FGF1: variants seen among roughly 807,000 people sequenced by gnomAD.
The protein encoded by FGF1 is fibroblast growth factor 1, also known as beta-endothelial cell growth factor.
Under a neutral mutation model 13.4 loss-of-function variants are expected in FGF1, and 9 were observed. That is an observed-to-expected ratio of 0.67 (90% confidence interval 0.40 to 1.17). The LOEUF is 1.17. Ranked by LOEUF, FGF1 falls within the 50% of genes most tolerant of loss-of-function variation. The pLI is 0.01. For missense variants in FGF1, 156 were observed against 192.7 expected, an observed-to-expected ratio of 0.81 and a Z score of 1.13; for synonymous variants, 93 against 79.0, an observed-to-expected ratio of 1.18 and a Z score of -0.94.
chr5:142,628,612 A>G (rs1366581591), intron 1 of FGF1, among the ~76,000 whole-genome samples: 1 of 152,210 alleles, frequency 6.6e-6, no homozygotes, highest in Non-Finnish European at 1.5e-5. Flanking sequence ...CAGGTAGCTC[A>G]AAACATGGTT....
At chr5:142,653,540 CT>C (rs1767635567) in intron 1 of FGF1, among the ~76,000 whole-genome samples, 1 of 152,156 alleles carries the variant, frequency 6.6e-6, no homozygotes, top group South Asian at 2.1e-4. Context: ...CGTCACGTGC[CT>C]TCCTGCCACA....
intron 1 of FGF1, among the ~76,000 whole-genome samples, chr5:142,632,825 T>C (rs1763571967): frequency 6.6e-6 from 1 of 152,054 alleles, no homozygotes; most frequent in South Asian, 2.1e-4. Context: ...TCACTTGTAA[T>C]GGTTGTAATG....
chr5:142,621,117 A>G (rs918311906), intron 1 of FGF1, among the ~76,000 whole-genome samples: 1 of 152,088 alleles, frequency 6.6e-6, no homozygotes, highest in African/African-American at 2.4e-5. Context: ...TGACCATTCT[A>G]ACTCATCACT....
At chr5:142,688,651 A>G (rs1751647501), upstream of FGF1, among the ~76,000 whole-genome samples, 2 of 152,354 alleles carry the variant, frequency 1.3e-5, no homozygotes, top group Non-Finnish European at 2.9e-5. Flanking sequence ...AGAGGCTGCT[A>G]GTACTGCAGA....
At chr5:142,607,002 C>T (rs1043907155) in intron 2 of FGF1, among the ~76,000 whole-genome samples, 4 of 152,202 alleles carry the variant, frequency 2.6e-5, no homozygotes, top group South Asian at 4.1e-4. Flanking sequence ...TCCCCTGATT[C>T]TCCTTCATAC....
At chr5:142,689,738 C>T (rs1449071800), upstream of FGF1, among the ~76,000 whole-genome samples, 22 of 134,674 alleles carry the variant, frequency 1.6e-4, 1 homozygote, top group Admixed American at 1.8e-3. Context: ...CTCGCTCTGT[C>T]GCCCAGGCTG....
chr5:142,675,630 G>A lies in FGF1; in HGVS notation c.-35+10327C>T, dbSNP rs567606591. ...CACCTTGAATTTAACCTCCACCACC[G>A]TCCGTCCGCTGAGACAGGAGCTCTT... On this transcript the variant is annotated intron_variant, in intron 1 of 3. Coordinates refer to ENST00000337706, the MANE Select transcript of FGF1 (RefSeq NM_000800.5). Among the ~76,000 whole-genome samples, 8 of 152,256 alleles carry A rather than the reference G, an allele frequency of 5.3e-5. No individual in the cohort carries two copies. In the East Asian group the frequency reaches 5.8e-4, roughly 11 times the overall value.
chr5:142,655,394 G>T (rs928009952), intron 1 of FGF1, among the ~76,000 whole-genome samples: 1 of 152,164 alleles, frequency 6.6e-6, no homozygotes, highest in Non-Finnish European at 1.5e-5. Context: ...GTTGTTAAAT[G>T]AATACAAGAA....
chr5:142,619,156 G>A (rs250112), intron 1 of FGF1, among the ~76,000 whole-genome samples: 43 of 151,336 alleles, frequency 2.8e-4, no homozygotes, highest in African/African-American at 1.0e-3. Context: ...AGATGGTCTC[G>A]ATCTCCTGAC....
intron 1 of FGF1, among the ~76,000 whole-genome samples, chr5:142,621,767 G>A (rs567965176): frequency 3.3e-5 from 5 of 152,068 alleles, no homozygotes; most frequent in South Asian, 4.2e-4. Flanking sequence ...TTCCCATCAC[G>A]TCTCCCTCCA....
chr5:142,604,534 G>A (rs370460916), intron 2 of FGF1, among the ~76,000 whole-genome samples: 14 of 152,270 alleles, frequency 9.2e-5, no homozygotes, highest in South Asian at 6.2e-4. Flanking sequence ...TTAGCTGTGT[G>A]ATCATCGGGC....
intron 2 of FGF1, among the ~76,000 whole-genome samples, chr5:142,605,630 G>A (rs1284807516): frequency 6.6e-6 from 1 of 152,104 alleles, no homozygotes; most frequent in East Asian, 1.9e-4. Context: ...CATGAGTCCC[G>A]ACACCAGGTT....
chr5:142,640,682 A>G (rs1296085421), intron 1 of FGF1, among the ~76,000 whole-genome samples: 4 of 152,014 alleles, frequency 2.6e-5, no homozygotes, highest in Admixed American at 6.5e-5. Context: ...CAATCTTTTT[A>G]AAGTCAAATG....
chr5:142,645,746 T>C (rs1765920358), intron 1 of FGF1, among the ~76,000 whole-genome samples: 1 of 152,108 alleles, frequency 6.6e-6, no homozygotes, highest in African/African-American at 2.4e-5. Flanking sequence ...TCCTTTCTGT[T>C]TTATTTCTGT....
intron 1 of FGF1, among the ~76,000 whole-genome samples, chr5:142,641,256 G>T (rs1406270763): frequency 6.6e-6 from 1 of 152,016 alleles, no homozygotes; most frequent in Non-Finnish European, 1.5e-5. Flanking sequence ...AAGCCATTGA[G>T]AATTATTTTG....
upstream of FGF1, among the ~76,000 whole-genome samples, chr5:142,690,002 C>T (rs1220813278): frequency 6.7e-6 from 1 of 148,988 alleles, no homozygotes; most frequent in Non-Finnish European, 1.5e-5. Context: ...CGCCCGGCCC[C>T]TCAATCCTAG....
At position 142,600,994 on chromosome 5, in the gene FGF1, C is replaced by G. The variant is rs1254770849; in HGVS notation, c.170-189G>C. 4 of 632,476 alleles carry G rather than the reference C, an allele frequency of 6.3e-6. No individual in the cohort carries two copies. In the African/African-American group the frequency reaches 7.2e-5, roughly 11 times the overall value. 39.2% of individuals were successfully genotyped at this position (632,476 alleles called of 1,614,324 possible). ...TCTTTGCCTTCCAAAGAAAGCTGTC[C>G]ATTGGGAATTACGTCCTTGGGAAAG... On this transcript the variant is annotated intron_variant, in intron 2 of 3. Coordinates refer to ENST00000337706, the MANE Select transcript of FGF1 (RefSeq NM_000800.5).
intron 1 of FGF1, among the ~76,000 whole-genome samples, chr5:142,665,844 C>T (rs996271430): frequency 1.2e-4 from 19 of 152,136 alleles, no homozygotes; most frequent in Admixed American, 2.6e-4. Flanking sequence ...CTGGAGAGGC[C>T]CACAGGTAGT....
At chr5:142,652,161 C>T in intron 1 of FGF1, among the ~76,000 whole-genome samples, 1 of 152,146 alleles carries the variant, frequency 6.6e-6, no homozygotes, top group Non-Finnish European at 1.5e-5. Flanking sequence ...GGATTTGAAC[C>T]CAGACATTCT....
Sources: gnomAD v4.1 joint callset for allele counts (sites outside exome capture counted in the v4.1 genomes callset) on GRCh38, gnomAD v4.1.1 for gene constraint, MANE v1.5 for transcripts, NCBI Gene and HGNC (gene_info 2026-07-23, HGNC 2026-07-21) for gene names.